Variants in HSPBP1 observed in about 807,000 individuals in gnomAD.
HSPBP1 encodes HSPA (Hsp70) binding protein 1.
HSPBP1 carries 31 observed loss-of-function variants against 41.7 expected under a neutral mutation model. That is an observed-to-expected ratio of 0.74 (90% confidence interval 0.56 to 1.00). HSPBP1 has a LOEUF of 1.00. Ranked by LOEUF, HSPBP1 falls within the 50% of genes least tolerant of loss-of-function variation. The pLI, the probability that HSPBP1 is intolerant of heterozygous loss-of-function variation, is 0.00. For missense variants in HSPBP1, 439 were observed against 487.9 expected, an observed-to-expected ratio of 0.90 and a Z score of 0.94; for synonymous variants, 199 against 214.4, an observed-to-expected ratio of 0.93 and a Z score of 0.63.
rs1356769753 is a variant in HSPBP1 at position 55,279,450 on chromosome 19, G to A, written c.159C>T (p.Ile53=). The change falls in exon 2 of 8, where the codon ATC becomes ATT. Residue 53 remains isoleucine (I), a synonymous_variant. Coordinates refer to ENST00000433386, the MANE Select transcript of HSPBP1 (RefSeq NM_012267.5). The part of the protein sequence containing the change: ...RNLQGLLQMA[I]TAGSEEPDPP... ...GGTCTGGCTCTTCAGAGCCCGCGGTGATGGCCATCTGCAGCAAGCCTTGGA... is the reference window on the plus strand; with the variant it reads ...GGTCTGGCTCTTCAGAGCCCGCGGTAATGGCCATCTGCAGCAAGCCTTGGA... 8 of 1,605,324 alleles carry A rather than the reference G, an allele frequency of 5.0e-6. No individual in the cohort carries two copies. The highest frequency in any genetic ancestry group is 1.4e-5 in the African/African-American group (1 of 74,038).
rs944592171 is a variant in HSPBP1, at chr19:55,270,344, C to T, written c.640+4054G>A. On this transcript the variant is annotated intron_variant, in intron 4 of 7. Coordinates refer to ENST00000433386, the MANE Select transcript of HSPBP1 (RefSeq NM_012267.5). The surrounding 1 kb of genome is among the most constrained non-coding windows in gnomAD (Gnocchi z 5.4). ...GGGGCGAGCCATGGTGGAAGCCCAT[C>T]TCTAGCACCCCTTCCTCAGAGGGGG... Among the ~76,000 whole-genome samples the T allele has an allele frequency of 2.6e-5, 4 of 152,202 alleles. No homozygotes were observed. Among genetic ancestry groups the T allele is most frequent in the Admixed American group, 6.5e-5 (1 of 15,274 alleles).
At position 55,270,379 on chromosome 19, in the gene HSPBP1, G is replaced by C. The variant is rs1386877404; in HGVS notation, c.640+4019C>G. Among the ~76,000 whole-genome samples the C allele has an allele frequency of 6.6e-6, 1 of 152,170 alleles. No individual in the cohort carries two copies. The highest frequency in any genetic ancestry group is 2.4e-5 in the African/African-American group (1 of 41,442). ...CCTTCCTCAGAGGGGGATTGTGAGG[G>C]ATCAATGAGGTGCAGCGCACAGGGC... is the stretch of plus-strand genomic sequence containing the variant. On this transcript the variant is annotated intron_variant, in intron 4 of 7. Coordinates refer to ENST00000433386, the MANE Select transcript of HSPBP1 (RefSeq NM_012267.5). This position sits in a 1 kb window ranked among gnomAD's most constrained non-coding sequence, Gnocchi z 5.4.
chr19:55,267,732 T>G (rs2122826804), intron 4 of HSPBP1, among the ~76,000 whole-genome samples: 1 of 152,380 alleles, frequency 6.6e-6, no homozygotes, highest in Non-Finnish European at 1.5e-5. Context: ...GTGCTGGGAT[T>G]ACAGGCGTGA....
At chr19:55,274,299 G>A (rs2088002082) in intron 4 of HSPBP1, 99 bp downstream of exon 4, 1 of 1,093,330 alleles carries the variant, frequency 9.1e-7, no homozygotes, top group African/African-American at 1.6e-5. Context: ...AACGAGGGAA[G>A]GAGATGCCTC....
At chr19:55,277,940 G>T (rs2088120489) in intron 2 of HSPBP1, 94 bp from the exon 3 acceptor site, 1 of 1,041,286 alleles carries the variant, frequency 9.6e-7, no homozygotes, top group Non-Finnish European at 1.3e-6. Context: ...ACTGAGGGCT[G>T]ATGTTCCTTC....
chr19:55,276,488 C>T (rs2088075484), intron 3 of HSPBP1, among the ~76,000 whole-genome samples: 1 of 152,104 alleles, frequency 6.6e-6, no homozygotes, highest in African/African-American at 2.4e-5. Flanking sequence ...TATTTATATA[C>T]ACAGAGAGCG....
Position 55,274,387 on chromosome 19 carries a change from CGGA to C in HSPBP1, c.640+8_640+10del. 6.5e-7 allele frequency: 1 copy of C among 1,531,806 alleles called. No individual in the cohort carries two copies. Among genetic ancestry groups the C allele is most frequent in the Non-Finnish European group, 8.8e-7 (1 of 1,142,374 alleles). 94.9% of individuals were successfully genotyped at this position (1,531,806 alleles called of 1,614,324 possible). A position where few individuals can be genotyped will look rare whatever the true frequency, so the allele number is the denominator to read the frequency against. ...CAGCACCCCTGTCCCCAGCCCCACC[CGGA>C]CACTCACAGGAGATGGCGAAGAGGG... is the stretch of plus-strand genomic sequence containing the variant. On this transcript the variant is annotated splice_region_variant and intron_variant, in intron 4 of 7. Transcript: ENST00000433386.
At position 55,270,125 on chromosome 19, in the gene HSPBP1, T is replaced by C. The variant is rs1373888256; in HGVS notation, c.641-3839A>G. ...TGCAGCCACCAAAAAAAAGGACAGATGCCACTGAATGGTATACTTTAACAT... is the reference window on the plus strand; with the variant it reads ...TGCAGCCACCAAAAAAAAGGACAGACGCCACTGAATGGTATACTTTAACAT... On this transcript the variant is annotated intron_variant, in intron 4 of 7. Coordinates refer to ENST00000433386, the MANE Select transcript of HSPBP1 (RefSeq NM_012267.5). The surrounding 1 kb of genome is among the most constrained non-coding windows in gnomAD (Gnocchi z 5.4). Among the ~76,000 whole-genome samples, 2 of 152,146 alleles carry C rather than the reference T, an allele frequency of 1.3e-5. No individual in the cohort carries two copies. Among genetic ancestry groups the C allele is most frequent in the Non-Finnish European group, 2.9e-5 (2 of 68,024 alleles).
At position 55,277,844 on chromosome 19, in the gene HSPBP1, C is replaced by T. The variant is rs201868216; in HGVS notation, c.213G>A (p.Arg71=). 667 of 1,546,450 alleles carry T rather than the reference C, an allele frequency of 4.3e-4. 1 individual carries two copies. The highest frequency in any genetic ancestry group is 5.3e-4 in the Non-Finnish European group (606 of 1,147,090). Residue 71 remains arginine, a splice_region_variant and synonymous_variant, in exon 3 of 8, where the codon AGG becomes AGA. Transcript: ENST00000433386. ...ACATGGCCTCCTGCAGCCACTGACG[C>T]CTCTGGAGACCAAGGCGAGGAGGAA... ...DPPPEPMSEE[R]RQWLQEAMSA... is the part of the protein sequence containing the mutation.
At position 55,274,518 on chromosome 19, in the gene HSPBP1, G is replaced by A; in HGVS notation, c.520C>T (p.Gln174Ter). The A allele has an allele frequency of 6.2e-7, 1 of 1,605,844 alleles. No homozygotes were observed. The highest frequency in any genetic ancestry group is 1.1e-5 in the South Asian group (1 of 90,274). ...TGCTCCTGGATGGCTGCCACGTTCT[G>A]ACTGCACGTGCCGATGAGCTGTGCC... ...RAAQLIGTCSQNVAAIQEQVL... is the reference protein window; with the variant it reads ...RAAQLIGTCS Residue 174 changes from glutamine to a stop codon, truncating the protein, a stop_gained, in exon 4 of 8, where the codon CAG becomes TAG. Coordinates refer to ENST00000433386, the MANE Select transcript of HSPBP1 (RefSeq NM_012267.5). LOFTEE classifies it high-confidence loss of function.
chr19:55,265,988 G>T lies in HSPBP1; in HGVS notation c.797-6C>A. 2 of 1,595,924 alleles carry T rather than the reference G, an allele frequency of 1.3e-6. No individual in the cohort carries two copies. The highest frequency in any genetic ancestry group is 8.5e-7 in the Non-Finnish European group (1 of 1,172,960). On this transcript the variant is annotated splice_region_variant and splice_polypyrimidine_tract_variant and intron_variant, in intron 5 of 7. Transcript: ENST00000433386. ...CCCCATGGAGCACAGGGTCCCTGGG[G>T]GGAGGGCTGCAGGGGTCAGAGGGGC...
At chr19:55,277,180 T>C (rs1273756654) in intron 3 of HSPBP1, among the ~76,000 whole-genome samples, 2 of 152,204 alleles carry the variant, frequency 1.3e-5, no homozygotes, top group South Asian at 2.1e-4. Flanking sequence ...TCACTCACTC[T>C]ACTCTGCCTC....
At chr19:55,274,907 G>T (rs371874882) in intron 3 of HSPBP1, among the ~76,000 whole-genome samples, 80 of 152,250 alleles carry the variant, frequency 5.3e-4, no homozygotes, top group African/African-American at 1.7e-3. Flanking sequence ...AGGAGAGGGG[G>T]GCTCAGGAGA....
At chr19:55,263,643 C>A (rs1008671921) in intron 7 of HSPBP1, among the ~76,000 whole-genome samples, 8 of 152,286 alleles carry the variant, frequency 5.3e-5, no homozygotes, top group Non-Finnish European at 8.8e-5. Context: ...GAGCCACAGG[C>A]GAGACATGCA....
At chr19:55,262,719 T>G in intron 7 of HSPBP1, 37 bp from the exon 8 acceptor site, 1 of 1,589,212 alleles carries the variant, frequency 6.3e-7, no homozygotes, top group Non-Finnish European at 8.6e-7. Context: ...GGGGCCTGAG[T>G]GCAGAGGCCG....
In HSPBP1 at chr19:55,279,487, G is replaced by A. The variant is rs2088169479; in HGVS notation, c.122C>T (p.Pro41Leu). The change falls in exon 2 of 8, where the codon CCC becomes CTC. Residue 41 changes from proline to leucine, a missense_variant. Pro to Leu is a moderately conservative substitution (Grantham distance 98, BLOSUM62 -3). Transcript: ENST00000433386. Reference sequence around the variant, plus strand: ...CAGCAAGCCTTGGAGGTTGCGTGGGGGCCGGGAATTGCCCGAGCCCCCAGC... The same window carrying A: ...CAGCAAGCCTTGGAGGTTGCGTGGGAGCCGGGAATTGCCCGAGCCCCCAGC... ...SSAGGSGNSR[P>L]PRNLQGLLQM... 1 of 1,606,626 alleles carries A rather than the reference G, an allele frequency of 6.2e-7. No homozygotes were observed. The highest frequency in any genetic ancestry group is 1.1e-5 in the South Asian group (1 of 90,608).
Position 55,270,912 on chromosome 19 carries a change from C to T in HSPBP1, c.640+3486G>A, listed in dbSNP as rs1600142741. On this transcript the variant is annotated intron_variant, in intron 4 of 7. Transcript: ENST00000433386. This position sits in a 1 kb window ranked among gnomAD's most constrained non-coding sequence, Gnocchi z 5.4. ...CACCACACACACCTCCACATATATA[C>T]CACACACCACACAACCCATGTACAC... Among the ~76,000 whole-genome samples, 1 of 150,612 alleles carries T rather than the reference C, an allele frequency of 6.6e-6. No homozygotes were observed. Among genetic ancestry groups the T allele is most frequent in the Non-Finnish European group, 1.5e-5 (1 of 67,596 alleles).
At position 55,279,508 on chromosome 19, in the gene HSPBP1, C is replaced by A. The variant is rs751541955; in HGVS notation, c.101G>T (p.Gly34Val). The change falls in exon 2 of 8, where the codon GGG becomes GTG. Residue 34 changes from glycine to valine, a missense_variant. Transcript: ENST00000433386. ...TGGGGGCCGGGAATTGCCCGAGCCC[C>A]CAGCCGAGGAGCCGCCGCCGCCGCC... ...SGGGGGGSSA[G>V]GSGNSRPPRN... 2 of 1,322,388 alleles carry A rather than the reference C, an allele frequency of 1.5e-6. No homozygotes were observed. The highest frequency in any genetic ancestry group is 2.1e-6 in the Non-Finnish European group (2 of 959,874). The allele number at this position is 1,322,388 out of a possible 1,614,324, so 81.9% of individuals were successfully genotyped here. A position where few individuals can be genotyped will look rare whatever the true frequency, so the allele number is the denominator to read the frequency against.
At chr19:55,273,617 C>T (rs1365157632) in intron 4 of HSPBP1, among the ~76,000 whole-genome samples, 1 of 152,148 alleles carries the variant, frequency 6.6e-6, no homozygotes, top group Non-Finnish European at 1.5e-5. Context: ...GTCCCTGTGC[C>T]CGACCTGGTG....
Sources: allele counts gnomAD v4.1 joint callset (sites outside exome capture counted in the v4.1 genomes callset), GRCh38; gene constraint gnomAD v4.1.1; non-coding constraint Gnocchi (gnomAD v3.1); transcripts MANE v1.5; gene names NCBI Gene and HGNC (gene_info 2026-07-23, HGNC 2026-07-21).